CEP128: variants seen among roughly 807,000 people sequenced by gnomAD.
The protein encoded by CEP128 is centrosomal protein 128, also known as centrosomal protein 128kDa.
A neutral mutation model predicts 156.7 loss-of-function variants in CEP128; 132 were observed. The observed-to-expected ratio is 0.84, with a 90% CI of 0.73 to 0.97. The LOEUF (loss-of-function observed/expected upper bound fraction) is 0.97. Among genes scored for constraint, CEP128 ranks in the 50% least tolerant of loss-of-function variants. The probability of loss-of-function intolerance (pLI) is 0.00; values close to 1 mark genes in which losing one functional copy is unlikely to be tolerated. For synonymous variants in CEP128, 469 were observed against 448.9 expected (o/e 1.04, Z -0.57); for missense variants, 1,252 against 1,281.9 (o/e 0.98, Z 0.36).
intron 23 of CEP128, among the ~76,000 whole-genome samples, chr14:80,524,897 G>A (rs902121158): frequency 6.6e-6 from 1 of 152,050 alleles, no homozygotes; most frequent in Non-Finnish European, 1.5e-5. Flanking sequence ...GCTAAGTGCT[G>A]GCCCCTCTTA....
intron 14 of CEP128, among the ~76,000 whole-genome samples, chr14:80,789,638 C>T (rs973429244): frequency 4.6e-5 from 7 of 152,022 alleles, no homozygotes; most frequent in African/African-American, 1.4e-4. Context: ...GGAAAGAATG[C>T]TCTAACCAGG....
chr14:80,920,839 A>C (rs1353668195), intron 2 of CEP128, among the ~76,000 whole-genome samples: 1 of 152,230 alleles, frequency 6.6e-6, no homozygotes, highest in Non-Finnish European at 1.5e-5. Flanking sequence ...GGAACATGTA[A>C]ATTTGAATAA....
At chr14:80,525,468 T>C (rs1382424752) in intron 23 of CEP128, among the ~76,000 whole-genome samples, 1 of 152,180 alleles carries the variant, frequency 6.6e-6, no homozygotes, top group African/African-American at 2.4e-5. Context: ...CAAAAAGAAA[T>C]GTCTTGTGGT....
intron 13 of CEP128, 101 bp downstream of exon 13, chr14:80,831,042 G>C (rs775820470): frequency 2.0e-6 from 2 of 1,005,070 alleles, no homozygotes; most frequent in East Asian, 2.4e-5. Context: ...GCTCACACTG[G>C]AGTTCATAAA....
At chr14:80,839,651 G>C (rs985773375) in intron 10 of CEP128, among the ~76,000 whole-genome samples, 1 of 151,750 alleles carries the variant, frequency 6.6e-6, no homozygotes, top group African/African-American at 2.4e-5. Flanking sequence ...AGGCAAATTG[G>C]GTGCATGGGA....
intron 18 of CEP128, among the ~76,000 whole-genome samples, chr14:80,754,981 C>CA: frequency 6.6e-6 from 1 of 152,118 alleles, no homozygotes; most frequent in East Asian, 1.9e-4. Context: ...CTGAAGGATA[C>CA]AAAGTATTGA....
rs1898931135 is a variant in CEP128 at position 80,743,325 on chromosome 14, A to G, written c.2614-58T>C. On this transcript the variant is annotated intron_variant, in intron 18 of 24. Coordinates refer to ENST00000555265, the MANE Select transcript of CEP128 (RefSeq NM_152446.5). ...GAAACTCAGAAAAGAGCAGCATTTC[A>G]AAACATGAAGAAAAAAATAAGTAAC... is the stretch of plus-strand genomic sequence containing the variant. 3 of 1,302,384 alleles carry G rather than the reference A, an allele frequency of 2.3e-6. No individual in the cohort carries two copies. The African/African-American group carries it at 4.5e-5, about 19-fold the overall frequency. 80.7% of individuals were successfully genotyped at this position (1,302,384 alleles called of 1,614,324 possible).
At chr14:80,683,536 C>T (rs182216650) in intron 19 of CEP128, among the ~76,000 whole-genome samples, 1 of 152,238 alleles carries the variant, frequency 6.6e-6, no homozygotes, top group Non-Finnish European at 1.5e-5. Context: ...TGGACTTCCA[C>T]AACATGCTGA....
chr14:80,702,792 A>G (rs2139369509), intron 19 of CEP128, among the ~76,000 whole-genome samples: 1 of 152,280 alleles, frequency 6.6e-6, no homozygotes, highest in Non-Finnish European at 1.5e-5. Context: ...ACCTTGCAGC[A>G]ACTGCCTGCT....
In CEP128 at chr14:80,873,804, G is replaced by A. The variant is rs181701068; in HGVS notation, c.646-10931C>T. 2.5e-3 allele frequency among the ~76,000 whole-genome samples: 379 copies of A among 152,068 alleles called. 1 individual carries two copies. The highest frequency in any genetic ancestry group is 3.9e-3 in the Non-Finnish European group (265 of 67,982). ...CGGGTCTTTCCTGCACTATTCCCGTGATATTTTTAACATCACGAATATTTT... is the reference window on the plus strand; with the variant it reads ...CGGGTCTTTCCTGCACTATTCCCGTAATATTTTTAACATCACGAATATTTT... On this transcript the variant is annotated intron_variant, in intron 8 of 24. Coordinates refer to ENST00000555265, the MANE Select transcript of CEP128 (RefSeq NM_152446.5).
At chr14:80,676,712 A>C (rs1197295731) in intron 19 of CEP128, among the ~76,000 whole-genome samples, 2 of 152,086 alleles carry the variant, frequency 1.3e-5, no homozygotes, top group African/African-American at 4.8e-5. Flanking sequence ...AAATTCCCTT[A>C]ATTTATTAAG....
At chr14:80,791,260 T>A (rs540432229) in intron 14 of CEP128, among the ~76,000 whole-genome samples, 1 of 152,332 alleles carries the variant, frequency 6.6e-6, no homozygotes, top group East Asian at 1.9e-4. Context: ...GAAATTACAA[T>A]GCCTGCTGTG....
At position 80,785,000 on chromosome 14, in the gene CEP128, T is replaced by G; in HGVS notation, c.2106A>C (p.Ser702=). The G allele has an allele frequency of 1.2e-6, 2 of 1,614,186 alleles. No homozygotes were observed. Among genetic ancestry groups the G allele is most frequent in the Non-Finnish European group, 1.7e-6 (2 of 1,179,988 alleles). ...GTTTTGTTTTCACACTCTGCAATGA[T>G]GATGTGAGATCTTTCAGCTCCCTCT... ...VHQRELKDLT[S]SLQSVKTKHE... Residue 702 remains serine (S), a synonymous_variant, in exon 15 of 25, where the codon TCA becomes TCC. Coordinates refer to ENST00000555265, the MANE Select transcript of CEP128 (RefSeq NM_152446.5).
At chr14:80,916,921 C>G (rs1047142827) in intron 2 of CEP128, among the ~76,000 whole-genome samples, 1 of 152,190 alleles carries the variant, frequency 6.6e-6, no homozygotes, top group African/African-American at 2.4e-5. Context: ...GAGAAAAACA[C>G]AGATATTCTC....
intron 19 of CEP128, among the ~76,000 whole-genome samples, chr14:80,730,024 C>T (rs1042805613): frequency 6.6e-6 from 1 of 152,142 alleles, no homozygotes; most frequent in African/African-American, 2.4e-5. Context: ...GATGGTATTA[C>T]TTAGATATAT....
At chr14:80,670,939 A>G (rs1895815393) in intron 19 of CEP128, among the ~76,000 whole-genome samples, 1 of 152,214 alleles carries the variant, frequency 6.6e-6, no homozygotes, top group Non-Finnish European at 1.5e-5. Flanking sequence ...CTTTATATAA[A>G]TTTGATTCAA....
chr14:80,788,263 T>C (rs1441614041), intron 14 of CEP128, among the ~76,000 whole-genome samples: 1 of 146,412 alleles, frequency 6.8e-6, no homozygotes, highest in Admixed American at 6.8e-5. Flanking sequence ...ACAGTGGAAT[T>C]GGGTTCTCTT....
chr14:80,615,590 C>T (rs1669806896), intron 19 of CEP128, among the ~76,000 whole-genome samples: 1 of 152,172 alleles, frequency 6.6e-6, no homozygotes, highest in Non-Finnish European at 1.5e-5. Context: ...GAATAAATTG[C>T]TAAGAAGTGA....
At chr14:80,955,773 C>A (rs745922510) in intron 2 of CEP128, 1 of 1,614,182 alleles carries the variant, frequency 6.2e-7, no homozygotes, top group Admixed American at 1.7e-5. Context: ...CCTGCGAGTG[C>A]CATCAGGAGG....
Sources: gnomAD v4.1 joint callset for allele counts (sites outside exome capture counted in the v4.1 genomes callset) on GRCh38, gnomAD v4.1.1 for gene constraint, MANE v1.5 for transcripts, NCBI Gene and HGNC (gene_info 2026-07-23, HGNC 2026-07-21) for gene names.